The following PDE10A variants were observed in gnomAD, a reference collection of about 807,000 sequenced individuals.
PDE10A encodes cAMP and cAMP-inhibited cGMP 3',5'-cyclic phosphodiesterase 10A.
In PDE10A, 39 loss-of-function variants were observed where a neutral mutation model predicts 97.7. The ratio of observed to expected loss-of-function variants is 0.40; its 90% CI spans 0.31 to 0.52. The LOEUF is 0.52. Ranked by LOEUF, PDE10A falls within the 20% of genes least tolerant of loss-of-function variation. The pLI is 0.56. For missense variants in PDE10A, 731 were observed against 1,047.8 expected (o/e 0.70, Z 4.17); for synonymous variants, 371 against 376.8 (o/e 0.98, Z 0.18).
chr6:165,764,045 A>G (rs1793315200), intron 1 of PDE10A, among the ~76,000 whole-genome samples: 1 of 152,252 alleles, frequency 6.6e-6, no homozygotes, highest in Admixed American at 6.5e-5. Context: ...GACACAAAAC[A>G]CTGCCTTTAC....
chr6:165,336,021 A>G, intron 21 of PDE10A, 102 bp downstream of exon 21: 1 of 933,304 alleles, frequency 1.1e-6, no homozygotes, highest in Non-Finnish European at 1.7e-6. Context: ...CGACATCTAG[A>G]CAAACACACA....
intron 3 of PDE10A, among the ~76,000 whole-genome samples, chr6:165,471,836 T>C (rs1291027164): frequency 1.3e-5 from 2 of 152,158 alleles, no homozygotes; most frequent in African/African-American, 4.8e-5. Context: ...CAATCACCCC[T>C]GGCAATGAAA....
chr6:165,630,616 T>G (rs991556960), intron 1 of PDE10A, among the ~76,000 whole-genome samples: 6 of 152,212 alleles, frequency 3.9e-5, no homozygotes, highest in African/African-American at 1.2e-4. Flanking sequence ...CATTGTTTAC[T>G]TAGTACCTTT....
intron 1 of PDE10A, among the ~76,000 whole-genome samples, chr6:165,907,665 A>T (rs1022515924): frequency 6.6e-6 from 1 of 152,288 alleles, no homozygotes; most frequent in African/African-American, 2.4e-5. Flanking sequence ...AAATCCAGCA[A>T]GAAGGAGGAA....
At chr6:165,362,717 G>A (rs1278207356) in intron 18 of PDE10A, among the ~76,000 whole-genome samples, 1 of 152,130 alleles carries the variant, frequency 6.6e-6, no homozygotes, top group Non-Finnish European at 1.5e-5. Flanking sequence ...CTAATTCCAT[G>A]AGGCCAGTGT....
intron 1 of PDE10A, among the ~76,000 whole-genome samples, chr6:165,918,851 C>A (rs1263187223): frequency 6.6e-6 from 1 of 152,164 alleles, no homozygotes; most frequent in African/African-American, 2.4e-5. Context: ...ATGACACAAA[C>A]TTTCAGACTG....
chr6:165,540,264 T>C (rs1489106374), intron 2 of PDE10A, among the ~76,000 whole-genome samples: 4 of 152,122 alleles, frequency 2.6e-5, no homozygotes, highest in Non-Finnish European at 5.9e-5. Flanking sequence ...ATAAATCCTT[T>C]TGAAACAAAA....
chr6:165,869,365 T>A (rs1333287462), intron 1 of PDE10A, among the ~76,000 whole-genome samples: 1 of 149,428 alleles, frequency 6.7e-6, no homozygotes, highest in African/African-American at 2.5e-5. Flanking sequence ...AAAAAAAAAC[T>A]CTTCCTAGGA....
intron 1 of PDE10A, among the ~76,000 whole-genome samples, chr6:165,928,678 C>T (rs998708373): frequency 4.6e-5 from 7 of 151,136 alleles, no homozygotes; most frequent in African/African-American, 1.7e-4. Context: ...GCCAACATCC[C>T]GGCTGCTGGT....
chr6:165,609,800 A>G (rs1787402489), intron 1 of PDE10A, among the ~76,000 whole-genome samples: 1 of 152,234 alleles, frequency 6.6e-6, no homozygotes, highest in African/African-American at 2.4e-5. Flanking sequence ...CCAACTTACA[A>G]GGGATGTGAA....
intron 10 of PDE10A, among the ~76,000 whole-genome samples, chr6:165,423,154 T>C (rs1788845567): frequency 6.6e-6 from 1 of 152,116 alleles, no homozygotes; most frequent in African/African-American, 2.4e-5. Context: ...GAGAAAGACA[T>C]ATTCATGAAA....
intron 1 of PDE10A, among the ~76,000 whole-genome samples, chr6:165,808,016 C>G (rs912334328): frequency 6.6e-6 from 1 of 152,162 alleles, no homozygotes; most frequent in Non-Finnish European, 1.5e-5. Context: ...CTTTGGGAAG[C>G]CTTTCAGTGA....
chr6:165,860,924 C>T (rs1780884387), intron 1 of PDE10A, among the ~76,000 whole-genome samples: 2 of 152,244 alleles, frequency 1.3e-5, no homozygotes, highest in South Asian at 4.1e-4. Context: ...AAAACATTCA[C>T]TTTTGCACAT....
chr6:165,616,999 TG>T (rs1443700715), intron 1 of PDE10A, among the ~76,000 whole-genome samples: 1 of 152,234 alleles, frequency 6.6e-6, no homozygotes, highest in African/African-American at 2.4e-5. Flanking sequence ...ATCAAAGCTA[TG>T]GGAAAACCTT....
intron 1 of PDE10A, among the ~76,000 whole-genome samples, chr6:165,927,994 G>A (rs1474107660): frequency 1.3e-5 from 2 of 150,642 alleles, no homozygotes; most frequent in Admixed American, 6.6e-5. Flanking sequence ...ACCACGCCAG[G>A]CTGAGAATGA....
intron 1 of PDE10A, among the ~76,000 whole-genome samples, chr6:165,654,853 C>T (rs880122): frequency 5.9e-5 from 9 of 152,270 alleles, no homozygotes; most frequent in South Asian, 2.1e-4. Context: ...CTTGAGGCTC[C>T]GCTTCTGAAC....
At chr6:165,445,754 G>C (rs1277295619) in intron 5 of PDE10A, among the ~76,000 whole-genome samples, 2 of 152,228 alleles carry the variant, frequency 1.3e-5, no homozygotes, top group South Asian at 2.1e-4. Context: ...AGTTTAAAAT[G>C]GTTTTGGATT....
chr6:165,448,427 T>C (rs1791023686), intron 5 of PDE10A, among the ~76,000 whole-genome samples: 1 of 152,104 alleles, frequency 6.6e-6, no homozygotes, highest in African/African-American at 2.4e-5. Context: ...CAGCTGAGAA[T>C]CCCCATTCCT....
At chr6:165,743,977 G>A (rs1296769643) in intron 1 of PDE10A, among the ~76,000 whole-genome samples, 1 of 152,158 alleles carries the variant, frequency 6.6e-6, no homozygotes, top group African/African-American at 2.4e-5. Context: ...GTGAGGGGTA[G>A]GTACTTAAGC....
Sources: allele counts gnomAD v4.1 joint callset (sites outside exome capture counted in the v4.1 genomes callset), GRCh38; gene constraint gnomAD v4.1.1; transcripts MANE v1.5; gene names NCBI Gene and HGNC (gene_info 2026-07-23, HGNC 2026-07-21).